Variants in DNAH8 observed in about 807,000 individuals in gnomAD.
DNAH8 encodes dynein axonemal heavy chain 8.
Under a neutral mutation model 562.1 loss-of-function variants are expected in DNAH8, and 382 were observed. That is an observed-to-expected ratio of 0.68 (90% CI 0.63 to 0.74). The LOEUF (loss-of-function observed/expected upper bound fraction) is 0.74. Ranked by LOEUF, DNAH8 falls within the 30% of genes least tolerant of loss-of-function variation. DNAH8 has a pLI of 0.00. For missense variants in DNAH8, 5,203 were observed against 5,620.4 expected (o/e 0.93, Z 2.37); for synonymous variants, 1,881 against 1,919.4 (o/e 0.98, Z 0.52).
intron 9 of DNAH8, among the ~76,000 whole-genome samples, chr6:38,750,915 A>G (rs940527209): frequency 6.6e-6 from 1 of 152,224 alleles, no homozygotes; most frequent in African/African-American, 2.4e-5. Context: ...AGAATGATAA[A>G]CTATATTTAA....
At chr6:38,754,733 C>T (rs1470709369) in intron 9 of DNAH8, among the ~76,000 whole-genome samples, 2 of 152,062 alleles carry the variant, frequency 1.3e-5, no homozygotes, top group African/African-American at 4.8e-5. Flanking sequence ...AGGCAAGGGA[C>T]TTAACTTCTC....
chr6:38,792,890 C>T (rs766376063), intron 21 of DNAH8, among the ~76,000 whole-genome samples: 7 of 151,856 alleles, frequency 4.6e-5, no homozygotes, highest in Non-Finnish European at 8.8e-5. Flanking sequence ...GTGATCTTCC[C>T]ATTTCAGCCT....
At chr6:38,902,424 C>T (rs1433166195) in intron 62 of DNAH8, among the ~76,000 whole-genome samples, 2 of 152,206 alleles carry the variant, frequency 1.3e-5, no homozygotes, top group African/African-American at 4.8e-5. Context: ...AGGGACCACT[C>T]CTATGCCCCA....
In DNAH8 at chr6:39,030,444, A is replaced by T; in HGVS notation, c.*52A>T. ...AGAACCCACATAGACAGCCTGTGCT[A>T]TTGAGGGACTCAGTGATGTGTGTGT... is the stretch of plus-strand genomic sequence containing the variant. On this transcript the variant is annotated 3_prime_UTR_variant, in exon 93 of 93. Transcript: ENST00000327475. The T allele has an allele frequency of 6.7e-7, 1 of 1,483,840 alleles. No individual in the cohort carries two copies. Among genetic ancestry groups the T allele is most frequent in the Non-Finnish European group, 9.3e-7 (1 of 1,077,826 alleles). 91.9% of individuals were successfully genotyped at this position (1,483,840 alleles called of 1,614,324 possible). A position where few individuals can be genotyped will look rare whatever the true frequency, so the allele number is the denominator to read the frequency against.
intron 18 of DNAH8, among the ~76,000 whole-genome samples, chr6:38,789,533 T>C (rs769116351): frequency 6.6e-6 from 1 of 152,072 alleles, no homozygotes; most frequent in Non-Finnish European, 1.5e-5. Flanking sequence ...AGATAATAAT[T>C]CAAACTACTT....
At chr6:38,792,926 AT>A in intron 21 of DNAH8, among the ~76,000 whole-genome samples, 1 of 152,156 alleles carries the variant, frequency 6.6e-6, no homozygotes. Flanking sequence ...TTACAGGTGC[AT>A]ACCACCACAA....
intron 85 of DNAH8, among the ~76,000 whole-genome samples, chr6:38,975,025 C>A (rs563062845): frequency 4.6e-5 from 7 of 152,274 alleles, no homozygotes; most frequent in African/African-American, 1.7e-4. Flanking sequence ...CTAGGATTGG[C>A]TGGCTCTGAT....
intron 73 of DNAH8, among the ~76,000 whole-genome samples, 188 bp from the exon 74 acceptor site, chr6:38,925,867 T>G (rs907702216): frequency 1.4e-5 from 2 of 147,248 alleles, no homozygotes; most frequent in African/African-American, 5.2e-5. Context: ...AATAAATTTG[T>G]TTTTTTTTAA....
chr6:38,732,111 T>G (rs1763702883), intron 4 of DNAH8, among the ~76,000 whole-genome samples: 1 of 152,248 alleles, frequency 6.6e-6, no homozygotes, highest in South Asian at 2.1e-4. Flanking sequence ...ACTTGGTGTT[T>G]GCATTTGACA....
chr6:38,807,237 T>C lies in DNAH8; in HGVS notation c.3151-373T>C, dbSNP rs1418818260. 2.0e-5 allele frequency among the ~76,000 whole-genome samples: 3 copies of C among 152,328 alleles called. No homozygotes were observed. In the East Asian group the frequency reaches 5.8e-4, roughly 29 times the overall value. ...GCTTCTTGAGGATGGAGACTAGTTATCTTCTTGTGCCCATGCCGTTAATCA... is the reference window on the plus strand; with the variant it reads ...GCTTCTTGAGGATGGAGACTAGTTACCTTCTTGTGCCCATGCCGTTAATCA... On this transcript the variant is annotated intron_variant, in intron 23 of 92. Transcript: ENST00000327475.
At position 38,723,185 on chromosome 6, in the gene DNAH8, T is replaced by C. The variant is rs1455423992; in HGVS notation, c.376T>C (p.Leu126=). 1.2e-6 allele frequency: 2 copies of C among 1,608,596 alleles called. No individual in the cohort carries two copies. The highest frequency in any genetic ancestry group is 2.2e-5 in the South Asian group (2 of 90,304). ...MSGLPNLQET[L]KERQARFREA... ...TGGCCTTCCCAATCTACAGGAAACA[T>C]TAAAAGAGAGACAGGTTTGCTTCTA... is the stretch of plus-strand genomic sequence containing the variant. Residue 126 remains leucine (L), a synonymous_variant, in exon 2 of 93, where the codon TTA becomes CTA. Coordinates refer to ENST00000327475, the MANE Select transcript of DNAH8 (RefSeq NM_001206927.2).
chr6:38,906,896 A>G (rs1780522599), intron 63 of DNAH8, among the ~76,000 whole-genome samples: 2 of 152,152 alleles, frequency 1.3e-5, no homozygotes, highest in Non-Finnish European at 2.9e-5. Flanking sequence ...ATGCTCCAAA[A>G]TCTGAAACTT....
chr6:38,938,954 A>G lies in DNAH8; in HGVS notation c.11973A>G (p.Thr3991=). ...TAAAGATTGACCTTCAGAGAGGGAC[A>G]GTTAAGCACAGAGAGTTTCAAGCTC... is the stretch of plus-strand genomic sequence containing the variant. ...MTLKIDLQRG[T]VKHREFQALI... The change falls in exon 79 of 93, where the codon ACA becomes ACG. Residue 3991 remains threonine (T), a synonymous_variant. Coordinates refer to ENST00000327475, the MANE Select transcript of DNAH8 (RefSeq NM_001206927.2). 6.2e-7 allele frequency: 1 copy of G among 1,613,766 alleles called. No homozygotes were observed. Among genetic ancestry groups the G allele is most frequent in the Non-Finnish European group, 8.5e-7 (1 of 1,179,840 alleles).
rs1775759591 is a variant in DNAH8 at position 38,851,677 on chromosome 6, A to G, written c.5466+3A>G. 1 of 1,569,630 alleles carries G rather than the reference A, an allele frequency of 6.4e-7. No individual in the cohort carries two copies. The highest frequency in any genetic ancestry group is 8.7e-7 in the Non-Finnish European group (1 of 1,142,982). ...CCAGTGATTCCCACACCATACAGGTATAATCTAAGAATCTGTGATCTAACT... is the reference window on the plus strand; with the variant it reads ...CCAGTGATTCCCACACCATACAGGTGTAATCTAAGAATCTGTGATCTAACT... On this transcript the variant is annotated splice_donor_region_variant and intron_variant, in intron 39 of 92. Coordinates refer to ENST00000327475, the MANE Select transcript of DNAH8 (RefSeq NM_001206927.2).
intron 87 of DNAH8, among the ~76,000 whole-genome samples, chr6:38,988,489 C>T (rs1051455531): frequency 6.6e-5 from 10 of 152,330 alleles, no homozygotes; most frequent in African/African-American, 9.6e-5. Context: ...AAGTCATCCA[C>T]GTCGTGAAAA....
At chr6:38,844,868 A>G (rs1678739) in intron 35 of DNAH8, among the ~76,000 whole-genome samples, 32,224 of 151,892 alleles carry the variant, frequency 0.21, 4,284 homozygotes, top group African/African-American at 0.37. Flanking sequence ...CTCAGCACAG[A>G]CCTCCCTCCT....
chr6:38,917,440 C>T (rs757022694), intron 69 of DNAH8, 34 bp downstream of exon 69: 37 of 1,580,388 alleles, frequency 2.3e-5, no homozygotes, highest in African/African-American at 5.4e-5. Flanking sequence ...ATCCTATGAG[C>T]TGCATCAGGC....
At position 38,860,541 on chromosome 6, in the gene DNAH8, G is replaced by A. The variant is rs763688560; in HGVS notation, c.6043G>A (p.Val2015Met). ...FYFKEDLDQT[V>M]VSITDVDFIY... ...TTTTAAGGAAGATTTGGATCAAACT[G>A]TGGTGTCTATTACAGATGTTGATTT... is the stretch of plus-strand genomic sequence containing the variant. Residue 2015 changes from valine to methionine, a missense_variant, in exon 43 of 93, where the codon GTG (valine) becomes ATG (methionine). Transcript: ENST00000327475. 5 of 1,533,910 alleles carry A rather than the reference G, an allele frequency of 3.3e-6. No homozygotes were observed. In the South Asian group the frequency reaches 4.0e-5, roughly 12 times the overall value.
intron 4 of DNAH8, among the ~76,000 whole-genome samples, chr6:38,734,007 G>C (rs1763873136): frequency 6.6e-6 from 1 of 151,768 alleles, no homozygotes; most frequent in Admixed American, 6.6e-5. Context: ...TTATTGGCCA[G>C]GCATGGTGGC....
Sources: allele counts gnomAD v4.1 joint callset (sites outside exome capture counted in the v4.1 genomes callset), GRCh38; gene constraint gnomAD v4.1.1; transcripts MANE v1.5; gene names NCBI Gene and HGNC (gene_info 2026-07-23, HGNC 2026-07-21).